The following GPR171 variants were observed in gnomAD, a reference collection of about 807,000 sequenced individuals.
The protein encoded by GPR171 is F730001G15Rik.
A neutral mutation model predicts 16.7 loss-of-function variants in GPR171; 14 were observed. The ratio of observed to expected loss-of-function variants is 0.84; its 90% CI spans 0.55 to 1.31. GPR171 has a LOEUF of 1.31. Ranked by LOEUF, GPR171 falls within the 40% of genes most tolerant of loss-of-function variation. The pLI is 0.00. For missense variants in GPR171, 337 were observed against 378.9 expected (o/e 0.89, Z 0.92); for synonymous variants, 134 against 135.6 (o/e 0.99, Z 0.08).
In GPR171 at chr3:151,198,155, T is replaced by C. The variant is rs1471579238; in HGVS notation, c.*272A>G. ...GTCTATGTCATGGACCTCTTTTGGA[T>C]TTCAAGGATATTGCAGGATTTTACA... On this transcript the variant is annotated 3_prime_UTR_variant, in exon 3 of 3. Coordinates refer to ENST00000309180, the MANE Select transcript of GPR171 (RefSeq NM_013308.4). The C allele has an allele frequency of 7.5e-6, 2 of 267,692 alleles. No homozygotes were observed. The highest frequency in any genetic ancestry group is 1.4e-5 in the Non-Finnish European group (2 of 141,490). 16.6% of individuals were successfully genotyped at this position (267,692 alleles called of 1,614,324 possible). A position where few individuals can be genotyped will look rare whatever the true frequency, so the allele number is the denominator to read the frequency against.
Position 151,198,629 on chromosome 3 carries a change from A to T in GPR171, c.758T>A (p.Val253Asp). 1.2e-6 allele frequency: 2 copies of T among 1,613,874 alleles called. No homozygotes were observed. The highest frequency in any genetic ancestry group is 1.7e-6 in the Non-Finnish European group (2 of 1,179,872). Residue 253 changes from valine (V) to aspartate (D), a missense_variant, in exon 3 of 3, where the codon GTC becomes GAC. By Grantham distance (152) the Val-to-Asp change is radical. Transcript: ENST00000309180. ...AATCCTGGTTGAGCAATCAGTTATG[A>T]CTTCTGTCTGGCTGAGGGTATACGG... ...RIPYTLSQTE[V>D]ITDCSTRISL...
rs80247584 is a variant in GPR171, at chr3:151,201,886, G to T, written c.-142-889C>A. ...CTATTTCAAATATTACATAATAATG[G>T]TAACATAATGTGTTTCTTTAAGTGC... On this transcript the variant is annotated intron_variant, in intron 1 of 2. Transcript: ENST00000309180. 5.9e-4 allele frequency among the ~76,000 whole-genome samples: 90 copies of T among 151,958 alleles called. No individual in the cohort carries two copies. In the East Asian group the frequency reaches 0.016, roughly 28 times the overall value.
Position 151,199,266 on chromosome 3 carries a change from G to T in GPR171, c.121C>A (p.Gln41Lys). The stretch of plus-strand genomic sequence containing the variant: ...ACACACCTGTGATTCGTATTCTTCT[G>T]TATAAAAGCCCAGGTTGCAAAACAA... ...GSCFATWAFI[Q>K]KNTNHRCVSI... Residue 41 changes from glutamine (Q) to lysine (K), a missense_variant, in exon 3 of 3, where the codon CAG becomes AAG. Gln to Lys is a moderately conservative substitution (Grantham distance 53, BLOSUM62 1). Coordinates refer to ENST00000309180, the MANE Select transcript of GPR171 (RefSeq NM_013308.4). 6.2e-7 allele frequency: 1 copy of T among 1,613,988 alleles called. No individual in the cohort carries two copies. Among genetic ancestry groups the T allele is most frequent in the Non-Finnish European group, 8.5e-7 (1 of 1,179,938 alleles).
rs1231335534 is a variant in GPR171, at chr3:151,199,354, A to G, written c.33T>C (p.Tyr11=). The G allele has an allele frequency of 2.7e-5, 43 of 1,612,874 alleles. No homozygotes were observed. Among genetic ancestry groups the G allele is most frequent in the Non-Finnish European group, 3.6e-5 (42 of 1,179,624 alleles). ...AATACGTGAATGGCTCCAGATCTTT[A>G]TAAACTGGGCAGAAGAACGAACTGT... MTNSSFFCPV[Y]KDLEPFTYFF... The change falls in exon 3 of 3, where the codon TAT becomes TAC. Residue 11 remains tyrosine, a synonymous_variant. Transcript: ENST00000309180.
In GPR171 at chr3:151,199,029, A is replaced by AGCT; in HGVS notation, c.355_357dup (p.Ser119dup). 6.2e-7 allele frequency: 1 copy of AGCT among 1,614,196 alleles called. No individual in the cohort carries two copies. The highest frequency in any genetic ancestry group is 8.5e-7 in the Non-Finnish European group (1 of 1,180,026). Reference sequence around the variant, plus strand: ...GGTTCTTGTATTCGGTAGATCTTGCAGCTGTGTGTCAGCTGAAGACAGCGG... The same window carrying AGCT: ...GGTTCTTGTATTCGGTAGATCTTGCAGCTGCTGTGTGTCAGCTGAAGACAGCGG... On this transcript the variant is annotated inframe_insertion, in exon 3 of 3. Transcript: ENST00000309180.
intron 2 of GPR171, among the ~76,000 whole-genome samples, chr3:151,199,791 T>A (rs933881362): frequency 6.6e-6 from 1 of 151,668 alleles, no homozygotes; most frequent in African/African-American, 2.4e-5. Context: ...GAAACTAGGG[T>A]TGTGGTTGAG....
chr3:151,198,666 TGTG>T lies in GPR171; in HGVS notation c.718_720del (p.His240del). On this transcript the variant is annotated inframe_deletion, in exon 3 of 3. Coordinates refer to ENST00000309180, the MANE Select transcript of GPR171 (RefSeq NM_013308.4). ...CTGAGGGTATACGGGATTCGGACAA[TGTG>T]GTAAGGAACAAAGCATATGATGTAG... 1 of 1,614,060 alleles carries T rather than the reference TGTG, an allele frequency of 6.2e-7. No individual in the cohort carries two copies. The highest frequency in any genetic ancestry group is 8.5e-7 in the Non-Finnish European group (1 of 1,179,988).
rs961986483 is a variant in GPR171 at position 151,203,171 on chromosome 3, G to A, written c.-210C>T. 4.6e-5 allele frequency: 7 copies of A among 152,174 alleles called. No homozygotes were observed. Among genetic ancestry groups the A allele is most frequent in the Non-Finnish European group, 7.4e-5 (5 of 68,026 alleles). The allele number at this position is 152,174 out of a possible 1,614,324, so 9.4% of individuals were successfully genotyped here. ...TCTTCAGAGAAGCATGAGCTGTTTGGTTAGCCGCAGCAGTAGCAACCCCAT... is the reference window on the plus strand; with the variant it reads ...TCTTCAGAGAAGCATGAGCTGTTTGATTAGCCGCAGCAGTAGCAACCCCAT... On this transcript the variant is annotated 5_prime_UTR_variant, in exon 1 of 3. Transcript: ENST00000309180.
Position 151,198,432 on chromosome 3 carries a change from C to A in GPR171, c.955G>T (p.Ala319Ser). 6.3e-7 allele frequency: 1 copy of A among 1,596,156 alleles called. No homozygotes were observed. The highest frequency in any genetic ancestry group is 8.6e-7 in the Non-Finnish European group (1 of 1,168,512). The part of the protein sequence containing the change: ...QKEKLRCENN[A>S] ...AGCACAAAAAATCCTGTCTTTTATG[C>A]ATTATTTTCACATCTTAATTTTTCT... The change falls in exon 3 of 3, where the codon GCA becomes TCA. Residue 319 changes from alanine to serine, a missense_variant. By Grantham distance (99) the Ala-to-Ser change is moderately conservative. Coordinates refer to ENST00000309180, the MANE Select transcript of GPR171 (RefSeq NM_013308.4).
In GPR171 at chr3:151,200,101, C is replaced by T. The variant is rs188948035; in HGVS notation, c.-53-662G>A. Among the ~76,000 whole-genome samples, 15 of 152,276 alleles carry T rather than the reference C, an allele frequency of 9.9e-5. No homozygotes were observed. The East Asian group carries it at 2.5e-3, about 25-fold the overall frequency. On this transcript the variant is annotated intron_variant, in intron 2 of 2. Coordinates refer to ENST00000309180, the MANE Select transcript of GPR171 (RefSeq NM_013308.4). ...AAACATCTGACTTCAACACTTGAGT[C>T]GCTTTTTTTTTCTTTCATTGTGGGT...
Position 151,199,100 on chromosome 3 carries a change from A to T in GPR171, c.287T>A (p.Ile96Asn). The T allele has an allele frequency of 1.9e-6, 3 of 1,614,042 alleles. No homozygotes were observed. The highest frequency in any genetic ancestry group is 2.5e-6 in the Non-Finnish European group (3 of 1,179,876). Residue 96 changes from isoleucine (I) to asparagine (N), a missense_variant, in exon 3 of 3, where the codon ATC becomes AAC. By Grantham distance (149) the Ile-to-Asn change is moderately radical (BLOSUM62 -3). Transcript: ENST00000309180. ...HCQVTACLIY[I>N]NMYLSIIFLA... ...GAAGATAATTGATAAATACATATTG[A>T]TATAGATGAGGCAGGCTGTTACTTG...
chr3:151,198,777 G>A lies in GPR171; in HGVS notation c.610C>T (p.Arg204Ter), dbSNP rs756671695. ...TTATCTTTGTTTCTGTAGAGCTGTC[G>A]AATTACAAGGCAATTGGATATTAAA... is the stretch of plus-strand genomic sequence containing the variant. ...IILISNCLVI[R>*]QLYRNKDNEN... is the part of the protein sequence containing the mutation. Residue 204 changes from arginine (R) to a stop codon, truncating the protein, a stop_gained, in exon 3 of 3, where the codon CGA (arginine) becomes TGA (stop). Transcript: ENST00000309180. LOFTEE classifies it high-confidence loss of function. The A allele has an allele frequency of 1.9e-6, 3 of 1,613,514 alleles. No homozygotes were observed. The highest frequency in any genetic ancestry group is 1.1e-5 in the South Asian group (1 of 91,066).
chr3:151,198,576 G>A lies in GPR171; in HGVS notation c.811C>T (p.Leu271=), dbSNP rs764956716. 6.2e-6 allele frequency: 10 copies of A among 1,613,954 alleles called. No homozygotes were observed. The African/African-American group carries it at 1.1e-4, about 17-fold the overall frequency. The change falls in exon 3 of 3, where the codon CTG becomes TTG. Residue 271 remains leucine, a synonymous_variant. Coordinates refer to ENST00000309180, the MANE Select transcript of GPR171 (RefSeq NM_013308.4). ...ISLFKAKEAT[L]LLAVSNLCFD... ...CACAGGTTCGACACAGCCAGGAGCAGTGTAGCCTCTTTGGCTTTGAAGAGT... is the reference window on the plus strand; with the variant it reads ...CACAGGTTCGACACAGCCAGGAGCAATGTAGCCTCTTTGGCTTTGAAGAGT...
chr3:151,202,285 T>C (rs371004974), intron 1 of GPR171, among the ~76,000 whole-genome samples: 2 of 152,212 alleles, frequency 1.3e-5, no homozygotes, highest in South Asian at 2.1e-4. Flanking sequence ...TACTTACCAG[T>C]GAAAATGTGA....
In GPR171 at chr3:151,198,631, T is replaced by C. The variant is rs533481433; in HGVS notation, c.756A>G (p.Glu252=). 13 of 1,613,862 alleles carry C rather than the reference T, an allele frequency of 8.1e-6. No individual in the cohort carries two copies. The Admixed American group carries it at 2.2e-4, about 27-fold the overall frequency. Residue 252 remains glutamate (E), a synonymous_variant, in exon 3 of 3, where the codon GAA becomes GAG. Transcript: ENST00000309180. ...TCCTGGTTGAGCAATCAGTTATGAC[T>C]TCTGTCTGGCTGAGGGTATACGGGA... ...VRIPYTLSQT[E]VITDCSTRIS...
intron 2 of GPR171, 145 bp from the exon 3 acceptor site, chr3:151,199,584 A>G: frequency 2.0e-6 from 1 of 506,480 alleles, no homozygotes; most frequent in Non-Finnish European, 3.5e-6. Flanking sequence ...CCTGGTGAGA[A>G]CATACTAGAT....
intron 1 of GPR171, among the ~76,000 whole-genome samples, chr3:151,201,557 A>T: frequency 6.6e-6 from 1 of 152,250 alleles, no homozygotes; most frequent in East Asian, 1.9e-4. Context: ...CTTTCACAGC[A>T]TGTTCAGGCA....
At position 151,198,342 on chromosome 3, in the gene GPR171, G is replaced by GTTTTTTTT. The variant is rs11431846; in HGVS notation, c.*77_*84dup. The GTTTTTTTT allele has an allele frequency of 3.1e-6, 2 of 636,130 alleles. No individual in the cohort carries two copies. 39.4% of individuals were successfully genotyped at this position (636,130 alleles called of 1,614,324 possible). A position where few individuals can be genotyped will look rare whatever the true frequency, so the allele number is the denominator to read the frequency against. On this transcript the variant is annotated 3_prime_UTR_variant, in exon 3 of 3. Transcript: ENST00000309180. ...ATTTTTTCATACTGAGTTTTTTTTT[G>GTTTTTTTT]TTTTTTTTTTTTTTATCTTTCAAAG...
intron 2 of GPR171, among the ~76,000 whole-genome samples, chr3:151,200,174 A>G (rs1490139187): frequency 1.3e-5 from 2 of 152,078 alleles, no homozygotes; most frequent in Non-Finnish European, 2.9e-5. Flanking sequence ...CCTTAGAACT[A>G]CTGTGATCAC....
Sources: gnomAD v4.1 joint callset for allele counts (sites outside exome capture counted in the v4.1 genomes callset) on GRCh38, gnomAD v4.1.1 for gene constraint, MANE v1.5 for transcripts, NCBI Gene and HGNC (gene_info 2026-07-23, HGNC 2026-07-21) for gene names.